Variants in FOXK1 observed in about 807,000 individuals in gnomAD.
The protein encoded by FOXK1 is forkhead box protein K1.
In FOXK1, 19 loss-of-function variants were observed where a neutral mutation model predicts 51.9. That is an observed-to-expected ratio of 0.37 (90% CI 0.26 to 0.54). The LOEUF (loss-of-function observed/expected upper bound fraction) is 0.54. Among genes scored for constraint, FOXK1 ranks in the 20% least tolerant of loss-of-function variants. The probability of loss-of-function intolerance (pLI) is 0.87; values close to 1 mark genes in which losing one functional copy is unlikely to be tolerated. For synonymous variants in FOXK1, 537 were observed against 482.6 expected (o/e 1.11, Z -1.48); for missense variants, 870 against 1,032.7 (o/e 0.84, Z 2.16).
Position 4,729,788 on chromosome 7 carries a change from G to C in FOXK1, c.561-11050G>C, listed in dbSNP as rs953345871. 2.6e-5 allele frequency among the ~76,000 whole-genome samples: 4 copies of C among 152,178 alleles called. No individual in the cohort carries two copies. The highest frequency in any genetic ancestry group is 7.2e-5 in the African/African-American group (3 of 41,448). ...GTGGATCACCTGAGCTCAGGAGTTT[G>C]AGACCAGCCTGGCCAACATGGTGAA... On this transcript the variant is annotated intron_variant, in intron 1 of 8. Coordinates refer to ENST00000328914, the MANE Select transcript of FOXK1 (RefSeq NM_001037165.2). The surrounding 1 kb of genome is among the most constrained non-coding windows in gnomAD (Gnocchi z 6.2).
chr7:4,682,398 C>G lies in FOXK1; in HGVS notation c.90C>G (p.Ala30=). Residue 30 remains alanine, a synonymous_variant, in exon 1 of 9, where the codon GCC becomes GCG. Coordinates refer to ENST00000328914, the MANE Select transcript of FOXK1 (RefSeq NM_001037165.2). The surrounding 1 kb of genome is among the most constrained non-coding windows in gnomAD (Gnocchi z 7.6). ...PCSPVLCAAA[A]AAAFPAAAPP... is the part of the protein sequence containing the mutation. ...GCCCAGTGCTGTGCGCCGCAGCCGC[C>G]GCCGCCGCCTTCCCCGCGGCCGCAC... The G allele has an allele frequency of 1.0e-6, 1 of 981,322 alleles. No homozygotes were observed. The highest frequency in any genetic ancestry group is 4.5e-5 in the South Asian group (1 of 22,112). The allele number at this position is 981,322 out of a possible 1,614,324, so 60.8% of individuals were successfully genotyped here. A position where few individuals can be genotyped will look rare whatever the true frequency, so the allele number is the denominator to read the frequency against.
At position 4,745,507 on chromosome 7, in the gene FOXK1, C is replaced by G. The variant is rs1427750661; in HGVS notation, c.746+4484C>G. On this transcript the variant is annotated intron_variant, in intron 2 of 8. Coordinates refer to ENST00000328914, the MANE Select transcript of FOXK1 (RefSeq NM_001037165.2). The surrounding 1 kb of genome is among the most constrained non-coding windows in gnomAD (Gnocchi z 4.3). ...GTGTGTGTTTCTGATTTATTTTTTTCTGCCCTGAAGTACTCCACCCAGAAA... is the reference window on the plus strand; with the variant it reads ...GTGTGTGTTTCTGATTTATTTTTTTGTGCCCTGAAGTACTCCACCCAGAAA... 6.6e-6 allele frequency among the ~76,000 whole-genome samples: 1 copy of G among 151,810 alleles called. No individual in the cohort carries two copies. The highest frequency in any genetic ancestry group is 2.4e-5 in the African/African-American group (1 of 41,316).
chr7:4,747,906 T>C lies in FOXK1; in HGVS notation c.747-6553T>C, dbSNP rs1369480208. On this transcript the variant is annotated intron_variant, in intron 2 of 8. Coordinates refer to ENST00000328914, the MANE Select transcript of FOXK1 (RefSeq NM_001037165.2). This position sits in a 1 kb window ranked among gnomAD's most constrained non-coding sequence, Gnocchi z 9.2. The stretch of plus-strand genomic sequence containing the variant: ...TGACACCCAGGCCGGAGTGCAGTGG[T>C]CCGGTCACGGCTCGCTGCAGCCTCG... 2.0e-5 allele frequency among the ~76,000 whole-genome samples: 3 copies of C among 150,842 alleles called. No individual in the cohort carries two copies. The highest frequency in any genetic ancestry group is 3.3e-3 in the Middle Eastern group (1 of 300).
intron 1 of FOXK1, among the ~76,000 whole-genome samples, chr7:4,740,488 G>A (rs992207166): frequency 7.3e-5 from 11 of 151,334 alleles, no homozygotes; most frequent in Admixed American, 6.6e-5. Flanking sequence ...GTGGGCGCTC[G>A]TAATCCCAGC....
rs1780820140 is a variant in FOXK1 at position 4,754,683 on chromosome 7, G to C, written c.903+68G>C. ...ATCGGGCCATAGTGACCCGGCGCGG[G>C]CGGCACAGACAGCCCAGGGCCTGCG... On this transcript the variant is annotated intron_variant, in intron 3 of 8. Transcript: ENST00000328914. 3.9e-6 allele frequency: 6 copies of C among 1,533,136 alleles called. No individual in the cohort carries two copies. In the East Asian group the frequency reaches 1.4e-4, roughly 37 times the overall value. 95.0% of individuals were successfully genotyped at this position (1,533,136 alleles called of 1,614,324 possible).
intron 1 of FOXK1, among the ~76,000 whole-genome samples, chr7:4,690,105 G>A (rs1241422215): frequency 6.6e-6 from 1 of 152,240 alleles, no homozygotes. Flanking sequence ...GGAAGCCACA[G>A]AGGAGACAAA....
At chr7:4,717,790 C>A (rs1448646989) in intron 1 of FOXK1, among the ~76,000 whole-genome samples, 1 of 152,182 alleles carries the variant, frequency 6.6e-6, no homozygotes, top group Non-Finnish European at 1.5e-5. Flanking sequence ...CTTTGCTGCA[C>A]CGTGTATGTT....
chr7:4,719,258 C>A (rs1780278353), intron 1 of FOXK1, among the ~76,000 whole-genome samples: 1 of 152,178 alleles, frequency 6.6e-6, no homozygotes, highest in Non-Finnish European at 1.5e-5. Flanking sequence ...ACTCAGCCTC[C>A]CGAGTAGCTG....
At chr7:4,750,313 A>G (rs1310897364) in intron 2 of FOXK1, among the ~76,000 whole-genome samples, 2 of 152,146 alleles carry the variant, frequency 1.3e-5, no homozygotes, top group African/African-American at 4.8e-5. Context: ...TTACCCCAGA[A>G]GGAGTGATTC....
rs1439452022 is a variant in FOXK1 at position 4,765,798 on chromosome 7, G to C, written c.*3334G>C. On this transcript the variant is annotated 3_prime_UTR_variant, in exon 9 of 9. Coordinates refer to ENST00000328914, the MANE Select transcript of FOXK1 (RefSeq NM_001037165.2). Reference sequence around the variant, plus strand: ...CAAATACAAGAAAACACCTGCTTTGGCTAGGAGGTAAGTCCCAAAAAGAAC... The same window carrying C: ...CAAATACAAGAAAACACCTGCTTTGCCTAGGAGGTAAGTCCCAAAAAGAAC... 1 of 152,278 alleles carries C rather than the reference G, an allele frequency of 6.6e-6. No individual in the cohort carries two copies. 9.4% of individuals were successfully genotyped at this position (152,278 alleles called of 1,614,324 possible). A position where few individuals can be genotyped will look rare whatever the true frequency, so the allele number is the denominator to read the frequency against.
Position 4,755,448 on chromosome 7 carries a change from TA to T in FOXK1, c.1050+66del. 1 of 1,582,822 alleles carries T rather than the reference TA, an allele frequency of 6.3e-7. No homozygotes were observed. The highest frequency in any genetic ancestry group is 1.1e-5 in the South Asian group (1 of 89,000). On this transcript the variant is annotated intron_variant, in intron 4 of 8. Transcript: ENST00000328914. This position sits in a 1 kb window ranked among gnomAD's most constrained non-coding sequence, Gnocchi z 6.6. ...CCTTAGAACATGGAACTCACAGGCA[TA>T]TTGCTTCCCTTAAAACAGAAGAGGG...
At chr7:4,728,838 C>A (rs374698728) in intron 1 of FOXK1, among the ~76,000 whole-genome samples, 1 of 151,622 alleles carries the variant, frequency 6.6e-6, no homozygotes, top group East Asian at 1.9e-4. Context: ...GAGAAGGGGA[C>A]CCTGGGGAAC....
chr7:4,693,303 G>A (rs1323621391), intron 1 of FOXK1, among the ~76,000 whole-genome samples: 1 of 152,272 alleles, frequency 6.6e-6, no homozygotes, highest in African/African-American at 2.4e-5. Flanking sequence ...TATAGGAACA[G>A]GCTTTTTGTA....
At position 4,740,985 on chromosome 7, in the gene FOXK1, C is replaced by T; in HGVS notation, c.708C>T (p.Ser236=). Residue 236 remains serine (S), a synonymous_variant, in exon 2 of 9, where the codon AGC becomes AGT. Coordinates refer to ENST00000328914, the MANE Select transcript of FOXK1 (RefSeq NM_001037165.2). ...KIHIPEPDLR[S]MVSPVPSPTG... ...ACATCCCGGAGCCGGACCTCCGGAG[C>T]ATGGTCAGCCCCGTCCCCTCCCCGA... 6 of 1,559,940 alleles carry T rather than the reference C, an allele frequency of 3.8e-6. No individual in the cohort carries two copies. The highest frequency in any genetic ancestry group is 5.2e-6 in the Non-Finnish European group (6 of 1,158,302).
rs775607987 is a variant in FOXK1, at chr7:4,761,331, G to T, written c.1921+43G>T. ...TTCTCCATGCCACATCCCAAGCTCT[G>T]TGGCTCCCAGTAGTCAGTGCGGCAT... On this transcript the variant is annotated intron_variant, in intron 8 of 8. Coordinates refer to ENST00000328914, the MANE Select transcript of FOXK1 (RefSeq NM_001037165.2). This position sits in a 1 kb window ranked among gnomAD's most constrained non-coding sequence, Gnocchi z 6.2. 1.9e-6 allele frequency: 3 copies of T among 1,568,004 alleles called. No individual in the cohort carries two copies. In the African/African-American group the frequency reaches 4.1e-5, roughly 21 times the overall value.
In FOXK1 at chr7:4,722,512, A is replaced by G. The variant is rs7781456; in HGVS notation, c.561-18326A>G. ...TGCTCAGCACCAGTGGCCTCAGCCC[A>G]GTGCCAGCGTGCTGGGACGGGTACA... On this transcript the variant is annotated intron_variant, in intron 1 of 8. Transcript: ENST00000328914. This position sits in a 1 kb window ranked among gnomAD's most constrained non-coding sequence, Gnocchi z 5.1. Among the ~76,000 whole-genome samples the G allele has an allele frequency of 0.86, 131,070 of 152,264 alleles. 56,528 individuals are homozygous for G. The highest frequency in any genetic ancestry group is 0.91 in the African/African-American group (37,936 of 41,560).
intron 1 of FOXK1, among the ~76,000 whole-genome samples, chr7:4,704,790 C>T (rs1265701283): frequency 1.3e-5 from 2 of 150,898 alleles, no homozygotes; most frequent in Admixed American, 6.6e-5. Flanking sequence ...TGGTCTCAAA[C>T]TCCTGGCCTC....
chr7:4,726,512 C>T (rs1171546503), intron 1 of FOXK1, among the ~76,000 whole-genome samples: 3 of 152,176 alleles, frequency 2.0e-5, no homozygotes, highest in Non-Finnish European at 4.4e-5. Context: ...GTCTCAGCTA[C>T]TCAGGAGGCT....
chr7:4,728,752 G>GA (rs1416440920), intron 1 of FOXK1, among the ~76,000 whole-genome samples: 1 of 111,410 alleles, frequency 9.0e-6, no homozygotes, highest in African/African-American at 3.5e-5. Flanking sequence ...AAAAAAAAAA[G>GA]AAAGAAAAGA....
Sources: gnomAD v4.1 joint callset for allele counts (sites outside exome capture counted in the v4.1 genomes callset) on GRCh38, gnomAD v4.1.1 for gene constraint, Gnocchi (gnomAD v3.1) non-coding constraint, MANE v1.5 for transcripts, NCBI Gene and HGNC (gene_info 2026-07-23, HGNC 2026-07-21) for gene names.